The following SH3PXD2A variants were observed in gnomAD, a reference collection of about 807,000 sequenced individuals.
SH3PXD2A encodes SH3 and PX domains 2A.
A neutral mutation model predicts 115.2 loss-of-function variants in SH3PXD2A; 32 were observed. The observed-to-expected ratio is 0.28, with a 90% CI of 0.21 to 0.37. The LOEUF (loss-of-function observed/expected upper bound fraction) is 0.37. SH3PXD2A is among the 10% of genes least tolerant of loss of function. The probability of loss-of-function intolerance (pLI) is 1.00; values close to 1 mark genes in which losing one functional copy is unlikely to be tolerated. For missense variants in SH3PXD2A, 1,328 were observed against 1,498.7 expected, an observed-to-expected ratio of 0.89 and a Z score of 1.88; for synonymous variants, 610 against 629.1, an observed-to-expected ratio of 0.97 and a Z score of 0.45.
At chr10:103,724,406 G>A in intron 4 of SH3PXD2A, 45 bp from the exon 5 acceptor site, 1 of 1,226,168 alleles carries the variant, frequency 8.2e-7, no homozygotes, top group South Asian at 1.4e-5. Context: ...GATGAACTTG[G>A]GAACAGGAAA....
intron 8 of SH3PXD2A, among the ~76,000 whole-genome samples, chr10:103,636,154 A>G (rs2036860510): frequency 6.6e-6 from 1 of 152,134 alleles, no homozygotes; most frequent in Admixed American, 6.5e-5. Flanking sequence ...CAGGCCTGTA[A>G]TCCCAGCACT....
intron 2 of SH3PXD2A, among the ~76,000 whole-genome samples, chr10:103,773,354 G>A (rs1215747263): frequency 2.0e-5 from 3 of 151,998 alleles, no homozygotes; most frequent in African/African-American, 7.2e-5. Context: ...AGTCCCCTGT[G>A]TTACATGCAG....
At chr10:103,762,775 G>A (rs745678843) in intron 3 of SH3PXD2A, among the ~76,000 whole-genome samples, 28 of 152,110 alleles carry the variant, frequency 1.8e-4, no homozygotes, top group Non-Finnish European at 3.5e-4. Context: ...GCTCTCTTAC[G>A]GGCAGTTCCC....
At chr10:103,668,715 G>T in intron 6 of SH3PXD2A, 63 bp from the exon 7 acceptor site, 1 of 1,453,826 alleles carries the variant, frequency 6.9e-7, no homozygotes, top group Non-Finnish European at 9.4e-7. Context: ...GAACGGTTAG[G>T]CAGGCAGGAG....
At chr10:103,659,310 C>T (rs2037257408) in intron 8 of SH3PXD2A, among the ~76,000 whole-genome samples, 1 of 152,204 alleles carries the variant, frequency 6.6e-6, no homozygotes, top group South Asian at 2.1e-4. Context: ...GGTTAAACGG[C>T]TATGGTGTGA....
intron 8 of SH3PXD2A, among the ~76,000 whole-genome samples, chr10:103,657,178 C>T (rs990519089): frequency 3.3e-5 from 5 of 152,030 alleles, no homozygotes; most frequent in South Asian, 2.1e-4. Flanking sequence ...GTATCATGCC[C>T]GGTGCCAGGA....
At chr10:103,838,967 C>G (rs1038384549) in intron 1 of SH3PXD2A, among the ~76,000 whole-genome samples, 2 of 152,126 alleles carry the variant, frequency 1.3e-5, no homozygotes, top group African/African-American at 4.8e-5. Flanking sequence ...GCCCCAGCTG[C>G]CAGCCCACAG....
At chr10:103,833,067 T>C (rs2039498035) in intron 1 of SH3PXD2A, among the ~76,000 whole-genome samples, 1 of 152,232 alleles carries the variant, frequency 6.6e-6, no homozygotes. Context: ...TTTCATCCTG[T>C]ACTTTCTAAC....
chr10:103,854,968 G>C (rs531246028), intron 1 of SH3PXD2A, among the ~76,000 whole-genome samples: 20 of 152,310 alleles, frequency 1.3e-4, no homozygotes, highest in South Asian at 6.2e-4. Context: ...GCAGCCACTT[G>C]CCAATTCCAA....
intron 2 of SH3PXD2A, among the ~76,000 whole-genome samples, chr10:103,773,731 G>T (rs1169308131): frequency 6.6e-6 from 1 of 151,962 alleles, no homozygotes; most frequent in Non-Finnish European, 1.5e-5. Flanking sequence ...GTGAGCTACT[G>T]TGCCCAGCCT....
chr10:103,742,886 G>C (rs903779076), intron 3 of SH3PXD2A, among the ~76,000 whole-genome samples: 3 of 152,168 alleles, frequency 2.0e-5, no homozygotes, highest in Admixed American at 2.0e-4. Flanking sequence ...GAGAAGAGAC[G>C]AACAGATTTC....
chr10:103,705,988 G>C (rs1234639745), intron 5 of SH3PXD2A, among the ~76,000 whole-genome samples: 2 of 147,558 alleles, frequency 1.4e-5, no homozygotes, highest in Non-Finnish European at 3.0e-5. Flanking sequence ...GACAGAGCAA[G>C]ACTCTGTCTC....
intron 6 of SH3PXD2A, among the ~76,000 whole-genome samples, chr10:103,680,955 G>C (rs1455445629): frequency 6.6e-6 from 1 of 152,208 alleles, no homozygotes; most frequent in Non-Finnish European, 1.5e-5. Context: ...CCATGTCTTT[G>C]TTTTTCCGCC....
At chr10:103,788,596 G>A (rs185402434) in intron 2 of SH3PXD2A, among the ~76,000 whole-genome samples, 1 of 152,328 alleles carries the variant, frequency 6.6e-6, no homozygotes, top group African/African-American at 2.4e-5. Context: ...GCCGGGTGCG[G>A]TGGCTCACGC....
rs1393545489 is a variant in SH3PXD2A at position 103,647,933 on chromosome 10, AG to A, written c.604+13049del. Among the ~76,000 whole-genome samples the A allele has an allele frequency of 2.6e-5, 4 of 152,124 alleles. No homozygotes were observed. In the East Asian group the frequency reaches 7.8e-4, roughly 30 times the overall value. ...GGAGGGGAGGAGAAGAGGGTCCCCT[AG>A]GGGTGGGTTGGAGCCCGGAGGGATG... On this transcript the variant is annotated intron_variant, in intron 8 of 14. Coordinates refer to ENST00000369774, the MANE Select transcript of SH3PXD2A (RefSeq NM_001394015.1).
At chr10:103,809,736 G>C (rs554194225) in intron 1 of SH3PXD2A, among the ~76,000 whole-genome samples, 2 of 146,902 alleles carry the variant, frequency 1.4e-5, no homozygotes, top group African/African-American at 5.0e-5. Context: ...CCAGGCTGGA[G>C]TGCAGTGGCG....
At chr10:103,715,096 C>G (rs895938274) in intron 5 of SH3PXD2A, among the ~76,000 whole-genome samples, 4 of 152,194 alleles carry the variant, frequency 2.6e-5, no homozygotes, top group Non-Finnish European at 4.4e-5. Flanking sequence ...TTCCCCCAGC[C>G]TTTTTGGGGT....
At chr10:103,724,152 G>A (rs1021823765) in intron 5 of SH3PXD2A, 118 bp downstream of exon 5, 2 of 477,548 alleles carry the variant, frequency 4.2e-6, no homozygotes, top group Non-Finnish European at 7.3e-6. Context: ...TCTTTAGCCC[G>A]GCTGGCCCTG....
chr10:103,733,284 T>C (rs2038344359), intron 4 of SH3PXD2A, among the ~76,000 whole-genome samples: 1 of 152,178 alleles, frequency 6.6e-6, no homozygotes. Context: ...GTTCAAAGCC[T>C]GATCCCAGGA....
Sources: allele counts gnomAD v4.1 joint callset (sites outside exome capture counted in the v4.1 genomes callset), GRCh38; gene constraint gnomAD v4.1.1; transcripts MANE v1.5; gene names NCBI Gene and HGNC (gene_info 2026-07-23, HGNC 2026-07-21).